FSTL4: variants seen among roughly 807,000 people sequenced by gnomAD.
The protein encoded by FSTL4 is follistatin-related protein 4.
In FSTL4, 28 loss-of-function variants were observed where a neutral mutation model predicts 78.2. The observed-to-expected ratio is 0.36, with a 90% confidence interval of 0.27 to 0.49. FSTL4 has a LOEUF of 0.49. Ranked by LOEUF, FSTL4 falls within the 20% of genes least tolerant of loss-of-function variation. The pLI is 0.98. For missense variants in FSTL4, 922 were observed against 1,084.9 expected (o/e 0.85, Z 2.11); for synonymous variants, 422 against 440.5 (o/e 0.96, Z 0.53).
Position 133,225,362 on chromosome 5 carries a change from G to A in FSTL4, c.1178-78C>T. ...TTTCCTTTATGGGGCCATTGAGAGTGTTAGGGCTGCCCAGCCCCTGGGCAG... is the reference window on the plus strand; with the variant it reads ...TTTCCTTTATGGGGCCATTGAGAGTATTAGGGCTGCCCAGCCCCTGGGCAG... On this transcript the variant is annotated intron_variant, in intron 9 of 15. Coordinates refer to ENST00000265342, the MANE Select transcript of FSTL4 (RefSeq NM_015082.2). This position sits in a 1 kb window ranked among gnomAD's most constrained non-coding sequence, Gnocchi z 4.6. The A allele has an allele frequency of 6.4e-7, 1 of 1,566,128 alleles. No homozygotes were observed. The highest frequency in any genetic ancestry group is 8.8e-7 in the Non-Finnish European group (1 of 1,140,950).
the FSTL4 span, among the ~76,000 whole-genome samples, chr5:133,812,611 G>C: frequency 1.3e-5 from 2 of 152,164 alleles, no homozygotes; most frequent in Non-Finnish European, 2.9e-5. Context: ...GGCTTTCCTA[G>C]ACAATCCAGT....
chr5:133,672,405 G>A, the FSTL4 span, among the ~76,000 whole-genome samples: 3 of 152,214 alleles, frequency 2.0e-5, no homozygotes, highest in Non-Finnish European at 4.4e-5. Context: ...TTAAGCCAGT[G>A]CGATTTGGGA....
chr5:133,747,682 G>A, the FSTL4 span, among the ~76,000 whole-genome samples: 2 of 152,172 alleles, frequency 1.3e-5, no homozygotes, highest in South Asian at 2.1e-4. Flanking sequence ...ATGAATCTGG[G>A]TTAATTTTCT....
chr5:133,297,502 C>T (rs1753426522), intron 6 of FSTL4, among the ~76,000 whole-genome samples: 1 of 152,212 alleles, frequency 6.6e-6, no homozygotes, highest in Non-Finnish European at 1.5e-5. Context: ...CTCTCTGTGT[C>T]TCCGGCTCTT....
intron 4 of FSTL4, among the ~76,000 whole-genome samples, chr5:133,334,356 C>A (rs1474501580): frequency 1.3e-5 from 2 of 152,200 alleles, no homozygotes; most frequent in African/African-American, 4.8e-5. Flanking sequence ...TCTACCTGGG[C>A]ACCCCTCTAA....
intron 3 of FSTL4, among the ~76,000 whole-genome samples, chr5:133,433,369 C>T (rs1023688816): frequency 3.9e-4 from 59 of 152,342 alleles, no homozygotes; most frequent in African/African-American, 9.9e-4. Flanking sequence ...GGGGTACCCA[C>T]GCAAGGGTAG....
At chr5:133,701,509 A>ACACACCCCCCC in the FSTL4 span, among the ~76,000 whole-genome samples, 8 of 132,622 alleles carry the variant, frequency 6.0e-5, no homozygotes, top group Non-Finnish European at 1.1e-4. Context: ...ACACACACAC[A>ACACACCCCCCC]CCCCACAGGC....
chr5:133,444,906 G>C (rs747306713), intron 3 of FSTL4, among the ~76,000 whole-genome samples: 9 of 152,166 alleles, frequency 5.9e-5, no homozygotes, highest in Non-Finnish European at 1.0e-4. Flanking sequence ...CGAGATGCCA[G>C]ATTGCTCCTA....
chr5:133,420,798 C>T (rs1020835607), intron 3 of FSTL4, among the ~76,000 whole-genome samples: 2 of 152,330 alleles, frequency 1.3e-5, no homozygotes, highest in South Asian at 2.1e-4. Context: ...AATACAGGGT[C>T]CCACACTCAG....
chr5:133,738,395 C>G, the FSTL4 span, among the ~76,000 whole-genome samples: 1 of 152,158 alleles, frequency 6.6e-6, no homozygotes, highest in African/African-American at 2.4e-5. Flanking sequence ...AGGACGTGGT[C>G]TGAGCCTTTT....
At chr5:133,365,867 C>A (rs1755171804) in intron 4 of FSTL4, among the ~76,000 whole-genome samples, 1 of 152,202 alleles carries the variant, frequency 6.6e-6, no homozygotes, top group Non-Finnish European at 1.5e-5. Flanking sequence ...TAACATTCAC[C>A]ATCTGCGTCA....
At chr5:133,437,338 C>A (rs1008128916) in intron 3 of FSTL4, among the ~76,000 whole-genome samples, 1 of 152,128 alleles carries the variant, frequency 6.6e-6, no homozygotes. Context: ...CTATTTCAAC[C>A]TTTGGGCATG....
the FSTL4 span, among the ~76,000 whole-genome samples, chr5:133,809,878 T>C: frequency 6.6e-6 from 1 of 152,212 alleles, no homozygotes; most frequent in Non-Finnish European, 1.5e-5. Flanking sequence ...GAGACATTAA[T>C]TGAGCACCTG....
At chr5:133,629,800 G>A in the FSTL4 span, among the ~76,000 whole-genome samples, 7 of 152,102 alleles carry the variant, frequency 4.6e-5, no homozygotes, top group Admixed American at 2.0e-4. Context: ...TATCCACCAC[G>A]ATCAAGTCAG....
At chr5:133,260,550 C>G (rs1018131245) in intron 6 of FSTL4, among the ~76,000 whole-genome samples, 14 of 152,182 alleles carry the variant, frequency 9.2e-5, no homozygotes, top group Non-Finnish European at 1.8e-4. Flanking sequence ...CTGCTGCCTT[C>G]TTTTTGTAGA....
At chr5:133,233,596 T>C in intron 7 of FSTL4, 59 bp from the exon 8 acceptor site, 1 of 1,588,784 alleles carries the variant, frequency 6.3e-7, no homozygotes. Context: ...CTGGAAACCA[T>C]AGCTGTCTCC....
At chr5:133,795,007 G>T in the FSTL4 span, among the ~76,000 whole-genome samples, 2 of 152,158 alleles carry the variant, frequency 1.3e-5, no homozygotes, top group African/African-American at 4.8e-5. Context: ...TGACAAAAAG[G>T]TTTTCATAAC....
intron 3 of FSTL4, among the ~76,000 whole-genome samples, chr5:133,486,320 T>G (rs1193051470): frequency 1.5e-5 from 2 of 136,318 alleles, no homozygotes; most frequent in African/African-American, 2.8e-5. Flanking sequence ...ACAGAGACAG[T>G]GAGAGACTGA....
chr5:133,243,203 G>A (rs1290577381), intron 7 of FSTL4, among the ~76,000 whole-genome samples: 4 of 151,236 alleles, frequency 2.6e-5, no homozygotes, highest in Non-Finnish European at 5.9e-5. Context: ...TCTGCCTGCC[G>A]ACATTAGAAA....
Sources: gnomAD v4.1 joint callset for allele counts (sites outside exome capture counted in the v4.1 genomes callset) on GRCh38, gnomAD v4.1.1 for gene constraint, Gnocchi (gnomAD v3.1) non-coding constraint, MANE v1.5 for transcripts, NCBI Gene and HGNC (gene_info 2026-07-23, HGNC 2026-07-21) for gene names.